The following TSPAN32 variants were observed in gnomAD, a reference collection of about 807,000 sequenced individuals.
TSPAN32 encodes the protein tetraspanin-32.
A neutral mutation model predicts 42.7 loss-of-function variants in TSPAN32; 47 were observed. That is an observed-to-expected ratio of 1.10 (90% CI 0.87 to 1.40). The LOEUF is 1.40. Ranked by LOEUF, TSPAN32 falls within the 40% of genes most tolerant of loss-of-function variation. The pLI, the probability that TSPAN32 is intolerant of heterozygous loss-of-function variation, is 0.00. For missense variants in TSPAN32, 469 were observed against 424.1 expected (o/e 1.11, Z -0.93); for synonymous variants, 175 against 175.9 (o/e 0.99, Z 0.04).
rs370656321 is a variant in TSPAN32 at position 2,313,199 on chromosome 11, G to A, written c.355-455G>A. 2.4e-4 allele frequency among the ~76,000 whole-genome samples: 36 copies of A among 152,278 alleles called. 2 individuals carry two copies. The highest frequency in any genetic ancestry group is 8.4e-4 in the African/African-American group (35 of 41,554). On this transcript the variant is annotated intron_variant, in intron 4 of 9. Transcript: ENST00000182290. The surrounding 1 kb of genome is among the most constrained non-coding windows in gnomAD (Gnocchi z 9.1). ...GCCCGGGCTTCCAGAAGGCAGCCGG[G>A]TGATTCTTGGGAAAGATCTAGAATC...
At chr11:2,316,493 T>G (rs752502450) in intron 7 of TSPAN32, 83 bp from the exon 8 acceptor site, 19 of 1,604,256 alleles carry the variant, frequency 1.2e-5, no homozygotes, top group Non-Finnish European at 1.6e-5. Context: ...GCCGCCCCCT[T>G]ACACTGCAGA....
chr11:2,312,296 G>C lies in TSPAN32; in HGVS notation c.355-1358G>C, dbSNP rs996117842. Reference sequence around the variant, plus strand: ...CCGCTGGGCCTCCAGTCCTCACCAGGACCTCCACCCACGAGGACACAATGG... The same window carrying C: ...CCGCTGGGCCTCCAGTCCTCACCAGCACCTCCACCCACGAGGACACAATGG... On this transcript the variant is annotated intron_variant, in intron 4 of 9. Coordinates refer to ENST00000182290, the MANE Select transcript of TSPAN32 (RefSeq NM_139022.3). Among the ~76,000 whole-genome samples the C allele has an allele frequency of 2.6e-5, 4 of 152,292 alleles. 1 individual carries two copies. In the Middle Eastern group the frequency reaches 0.014, roughly 518 times the overall value.
intron 6 of TSPAN32, 29 bp from the exon 7 acceptor site, chr11:2,316,200 C>T (rs368096646): frequency 8.8e-5 from 135 of 1,530,494 alleles, no homozygotes; most frequent in South Asian, 3.3e-4. Context: ...CCGCTCAGGG[C>T]GGGTACCATG....
intron 6 of TSPAN32, chr11:2,315,949 G>T: frequency 6.6e-7 from 1 of 1,526,628 alleles, no homozygotes; most frequent in Non-Finnish European, 8.8e-7. Flanking sequence ...CCAACGTGTG[G>T]CCCAACATGG....
rs766897255 is a variant in TSPAN32 at position 2,316,559 on chromosome 11, G to A, written c.628-17G>A. Reference sequence around the variant, plus strand: ...CACCCTGGGGCAGTGGGGCAGCCGCGGGTGTCTCCCTCCCAGGTGTCCGCC... The same window carrying A: ...CACCCTGGGGCAGTGGGGCAGCCGCAGGTGTCTCCCTCCCAGGTGTCCGCC... On this transcript the variant is annotated splice_polypyrimidine_tract_variant and intron_variant, in intron 7 of 9. Coordinates refer to ENST00000182290, the MANE Select transcript of TSPAN32 (RefSeq NM_139022.3). 18 of 1,600,626 alleles carry A rather than the reference G, an allele frequency of 1.1e-5. No homozygotes were observed. Among genetic ancestry groups the A allele is most frequent in the East Asian group, 9.0e-5 (4 of 44,678 alleles).
intron 3 of TSPAN32, among the ~76,000 whole-genome samples, chr11:2,305,487 G>A (rs527631066): frequency 2.4e-4 from 36 of 152,310 alleles, no homozygotes; most frequent in Middle Eastern, 3.4e-3. Flanking sequence ...AAGAACCAGC[G>A]CTGGGGCTGC....
chr11:2,315,559 G>T, intron 6 of TSPAN32: 6 of 1,171,788 alleles, frequency 5.1e-6, no homozygotes, highest in Non-Finnish European at 6.4e-6. Flanking sequence ...CAGGCGGCAG[G>T]CACGGAGCCA....
chr11:2,317,748 G>A lies in TSPAN32; in HGVS notation c.902-115G>A. 6.6e-7 allele frequency: 1 copy of A among 1,525,878 alleles called. No individual in the cohort carries two copies. Among genetic ancestry groups the A allele is most frequent in the Admixed American group, 2.2e-5 (1 of 44,600 alleles). The allele number at this position is 1,525,878 out of a possible 1,614,324, so 94.5% of individuals were successfully genotyped here. ...GCCCAGGGCAGACTGCAAGACACTGGTGGCCCACGGCCTGGAGGGCTCCAC... is the reference window on the plus strand; with the variant it reads ...GCCCAGGGCAGACTGCAAGACACTGATGGCCCACGGCCTGGAGGGCTCCAC... On this transcript the variant is annotated intron_variant, in intron 9 of 9. Transcript: ENST00000182290. This position sits in a 1 kb window ranked among gnomAD's most constrained non-coding sequence, Gnocchi z 6.2.
chr11:2,313,592 A>T lies in TSPAN32; in HGVS notation c.355-62A>T. 7.5e-7 allele frequency: 1 copy of T among 1,342,122 alleles called. No individual in the cohort carries two copies. Among genetic ancestry groups the T allele is most frequent in the Non-Finnish European group, 1.0e-6 (1 of 963,030 alleles). The allele number at this position is 1,342,122 out of a possible 1,614,324, so 83.1% of individuals were successfully genotyped here. On this transcript the variant is annotated intron_variant, in intron 4 of 9. Transcript: ENST00000182290. This position sits in a 1 kb window ranked among gnomAD's most constrained non-coding sequence, Gnocchi z 9.1. ...CACTAGCGTTTGGGATGTCGTGGGG[A>T]GGGGGCTGTGTCCCCGGATCTCCCA...
rs764203991 is a variant in TSPAN32 at position 2,316,251 on chromosome 11, G to T, written c.566G>T (p.Ser189Ile). The part of the protein sequence containing the change: ...AREDCLQGIR[S>I]FLRTHQQVAS... ...CAGGACTGCCTTCAGGGCATCCGGA[G>T]CTTCCTGAGGACACACCAGCAGGTC... Residue 189 changes from serine to isoleucine, a missense_variant, in exon 7 of 10, where the codon AGC (serine) becomes ATC (isoleucine). Physicochemically the swap from Ser to Ile is moderately radical, Grantham distance 142. Transcript: ENST00000182290. 6 of 1,599,280 alleles carry T rather than the reference G, an allele frequency of 3.8e-6. No homozygotes were observed. The Admixed American group carries it at 5.1e-5, about 14-fold the overall frequency.
chr11:2,302,955 TG>T lies in TSPAN32; in HGVS notation c.181+1del, dbSNP rs1163573629. The T allele has an allele frequency of 1.9e-6, 3 of 1,612,756 alleles. No individual in the cohort carries two copies. Among genetic ancestry groups the T allele is most frequent in the Non-Finnish European group, 2.5e-6 (3 of 1,179,386 alleles). ...GAACCCGTACCAGGCTGTGCACCAA[TG>T]GGGTAAGTGAGGTCCAGGCCTGGCT... The part of the protein sequence containing the change: ...EKNPYQAVHQ[W>X]AFSAGLSLVG... On this transcript the variant is annotated frameshift_variant and splice_region_variant, in exon 2 of 10. Coordinates refer to ENST00000182290, the MANE Select transcript of TSPAN32 (RefSeq NM_139022.3). LOFTEE classifies it high-confidence loss of function.
Position 2,315,982 on chromosome 11 carries a change from G to A in TSPAN32, c.544-247G>A, listed in dbSNP as rs745857728. 7.0e-5 allele frequency: 107 copies of A among 1,532,070 alleles called. 2 individuals carry two copies. In the Middle Eastern group the frequency reaches 1.0e-3, roughly 15 times the overall value. The allele number at this position is 1,532,070 out of a possible 1,614,324, so 94.9% of individuals were successfully genotyped here. ...TGGACGCTCAGGACAGCTGGGAGAC[G>A]GCACCGGCCGGGCCCAGGGCAGTGC... On this transcript the variant is annotated intron_variant, in intron 6 of 9. Transcript: ENST00000182290.
intron 3 of TSPAN32, among the ~76,000 whole-genome samples, chr11:2,306,380 C>T (rs768603388): frequency 4.6e-5 from 7 of 152,002 alleles, no homozygotes; most frequent in East Asian, 3.9e-4. Flanking sequence ...ACATTCAATT[C>T]GCTTATGTAT....
rs1230622646 is a variant in TSPAN32, at chr11:2,317,214, C to T, written c.720-130C>T. On this transcript the variant is annotated intron_variant, in intron 8 of 9. Coordinates refer to ENST00000182290, the MANE Select transcript of TSPAN32 (RefSeq NM_139022.3). The surrounding 1 kb of genome is among the most constrained non-coding windows in gnomAD (Gnocchi z 6.2). ...CTCACAGTCCCCCTAGAACATTCCA[C>T]AGCAGCTCCATAATCCCCTCCAGAA... is the stretch of plus-strand genomic sequence containing the variant. 8.4e-6 allele frequency: 6 copies of T among 717,118 alleles called. No homozygotes were observed. Among genetic ancestry groups the T allele is most frequent in the Admixed American group, 2.5e-5 (1 of 40,286 alleles). The allele number at this position is 717,118 out of a possible 1,614,324, so 44.4% of individuals were successfully genotyped here.
chr11:2,303,437 C>T (rs1847885016), intron 2 of TSPAN32: 1 of 195,702 alleles, frequency 5.1e-6, no homozygotes, highest in Non-Finnish European at 1.1e-5. Context: ...ATCCAACATC[C>T]AGAGAGCGGG....
Position 2,313,502 on chromosome 11 carries a change from C to T in TSPAN32, c.355-152C>T, listed in dbSNP as rs534027020. Among the ~76,000 whole-genome samples, 7 of 152,220 alleles carry T rather than the reference C, an allele frequency of 4.6e-5. No homozygotes were observed. In the South Asian group the frequency reaches 8.3e-4, roughly 18 times the overall value. ...ACTGGCTGCCCAGGGACCCAGGTTC[C>T]GCTTTGGGGAGATCCACCTGCTACA... On this transcript the variant is annotated intron_variant, in intron 4 of 9. Transcript: ENST00000182290. This position sits in a 1 kb window ranked among gnomAD's most constrained non-coding sequence, Gnocchi z 9.1.
Position 2,313,823 on chromosome 11 carries a change from C to T in TSPAN32, c.456+68C>T, listed in dbSNP as rs898038707. Reference sequence around the variant, plus strand: ...CTTGGACTGCAGTTCAGAGAACAGGCGCAGGGTGGCCAGTGAGAGGTCTGG... The same window carrying T: ...CTTGGACTGCAGTTCAGAGAACAGGTGCAGGGTGGCCAGTGAGAGGTCTGG... On this transcript the variant is annotated intron_variant, in intron 5 of 9. Coordinates refer to ENST00000182290, the MANE Select transcript of TSPAN32 (RefSeq NM_139022.3). This position sits in a 1 kb window ranked among gnomAD's most constrained non-coding sequence, Gnocchi z 9.1. 3.7e-5 allele frequency: 47 copies of T among 1,284,294 alleles called. No homozygotes were observed. Among genetic ancestry groups the T allele is most frequent in the Non-Finnish European group, 4.9e-5 (45 of 921,762 alleles). 79.6% of individuals were successfully genotyped at this position (1,284,294 alleles called of 1,614,324 possible).
chr11:2,317,463 G>T lies in TSPAN32; in HGVS notation c.839G>T (p.Arg280Leu), dbSNP rs375834458. The T allele has an allele frequency of 1.2e-6, 2 of 1,600,818 alleles. No individual in the cohort carries two copies. The highest frequency in any genetic ancestry group is 1.7e-6 in the Non-Finnish European group (2 of 1,174,118). ...IGPRGCSGSL[R>L]WLQESDAAPL... ...CCAAGAGGATGCTCGGGTAGTCTTC[G>T]GTGGCTGCAGGAGAGCGATGCTGCG... Residue 280 changes from arginine to leucine, a missense_variant, in exon 9 of 10, where the codon CGG (arginine) becomes CTG (leucine). By Grantham distance (102) the Arg-to-Leu change is moderately radical (BLOSUM62 -2). Transcript: ENST00000182290. This position sits in a 1 kb window ranked among gnomAD's most constrained non-coding sequence, Gnocchi z 6.2.
At chr11:2,316,044 C>T (rs1460409081) in intron 6 of TSPAN32, 185 bp from the exon 7 acceptor site, 3 of 1,534,272 alleles carry the variant, frequency 2.0e-6, no homozygotes, top group South Asian at 1.2e-5. Flanking sequence ...TCCCACTGGG[C>T]TTCACCTGCT....
Sources: gnomAD v4.1 joint callset for allele counts (sites outside exome capture counted in the v4.1 genomes callset) on GRCh38, gnomAD v4.1.1 for gene constraint, Gnocchi (gnomAD v3.1) non-coding constraint, MANE v1.5 for transcripts, NCBI Gene and HGNC (gene_info 2026-07-23, HGNC 2026-07-21) for gene names.